The following SLC15A2 variants were observed in gnomAD, a reference collection of about 807,000 sequenced individuals.
The protein encoded by SLC15A2 is solute carrier family 15 member 2.
SLC15A2 carries 77 observed loss-of-function variants against 95.5 expected under a neutral mutation model. That is an observed-to-expected ratio of 0.81 (90% CI 0.67 to 0.97). The LOEUF is 0.97. SLC15A2 is among the 50% of genes least tolerant of loss of function. The pLI is 0.00. For synonymous variants in SLC15A2, 306 were observed against 306.9 expected (o/e 1.00, Z 0.03); for missense variants, 893 against 874.4 (o/e 1.02, Z -0.27).
chr3:121,936,603 T>C (rs1179768133), intron 19 of SLC15A2, among the ~76,000 whole-genome samples: 1 of 152,168 alleles, frequency 6.6e-6, no homozygotes, highest in Admixed American at 6.5e-5. Context: ...CATTTTTTTT[T>C]TTCCATTTGC....
At chr3:121,919,061 G>T (rs1000711561) in intron 7 of SLC15A2, among the ~76,000 whole-genome samples, 8 of 152,056 alleles carry the variant, frequency 5.3e-5, no homozygotes, top group Non-Finnish European at 1.0e-4. Flanking sequence ...CAAAAACTCG[G>T]AGATGCTAGC....
rs906312765 is a variant in SLC15A2, at chr3:121,940,561, C to T, written c.2013+73C>T. 4.1e-6 allele frequency: 5 copies of T among 1,220,838 alleles called. No individual in the cohort carries two copies. In the African/African-American group the frequency reaches 4.4e-5, roughly 11 times the overall value. The allele number at this position is 1,220,838 out of a possible 1,614,324, so 75.6% of individuals were successfully genotyped here. On this transcript the variant is annotated intron_variant, in intron 21 of 21. Transcript: ENST00000489711. Reference sequence around the variant, plus strand: ...CCAGCTTTCTCTTCTCCCTTTCCCCCATCTCTCTGCTTCCCACATTCCCCA... The same window carrying T: ...CCAGCTTTCTCTTCTCCCTTTCCCCTATCTCTCTGCTTCCCACATTCCCCA...
chr3:121,929,132 A>G lies in SLC15A2; in HGVS notation c.1492A>G (p.Ile498Val). 1 of 1,611,572 alleles carries G rather than the reference A, an allele frequency of 6.2e-7. No homozygotes were observed. Among genetic ancestry groups the G allele is most frequent in the South Asian group, 1.1e-5 (1 of 90,610 alleles). Residue 498 changes from isoleucine to valine, a missense_variant, in exon 16 of 22, where the codon ATC becomes GTC. Ile to Val is a conservative substitution (Grantham distance 29, BLOSUM62 3). Transcript: ENST00000489711. ...SLVIREDGNS[I>V]SSMMVKDTES... is the part of the protein sequence containing the mutation. ...TGTCATTCGTGAAGATGGGAACAGT[A>G]TCTCCAGCATGATGGTAATTTGAGG...
intron 3 of SLC15A2, among the ~76,000 whole-genome samples, chr3:121,904,881 A>AT (rs1179445950): frequency 6.6e-6 from 1 of 152,162 alleles, no homozygotes; most frequent in Non-Finnish European, 1.5e-5. Flanking sequence ...GTTAGGCAGG[A>AT]TTCTCTCTTT....
intron 17 of SLC15A2, 27 bp downstream of exon 17, chr3:121,929,375 C>A: frequency 6.2e-7 from 1 of 1,610,244 alleles, no homozygotes; most frequent in Non-Finnish European, 8.5e-7. Flanking sequence ...GATTCCAGGC[C>A]ACTCTGTTTT....
chr3:121,901,588 T>TTG (rs1168646399), intron 3 of SLC15A2, among the ~76,000 whole-genome samples: 3 of 152,076 alleles, frequency 2.0e-5, no homozygotes, highest in African/African-American at 7.2e-5. Flanking sequence ...GTAGTCATGT[T>TTG]TGTGTGTGTG....
intron 19 of SLC15A2, among the ~76,000 whole-genome samples, chr3:121,935,592 T>C (rs2107610269): frequency 6.6e-6 from 1 of 152,324 alleles, no homozygotes; most frequent in South Asian, 2.1e-4. Flanking sequence ...TTTGTATTTC[T>C]GTGGGATTGG....
chr3:121,899,091 C>T (rs1709474726), intron 3 of SLC15A2, among the ~76,000 whole-genome samples: 1 of 152,148 alleles, frequency 6.6e-6, no homozygotes, highest in African/African-American at 2.4e-5. Flanking sequence ...GATTCATATA[C>T]ATGACATACC....
intron 17 of SLC15A2, among the ~76,000 whole-genome samples, chr3:121,930,239 C>T (rs1559852507): frequency 6.6e-6 from 1 of 152,076 alleles, no homozygotes. Context: ...TGTACCAAAA[C>T]CCATCCTGAG....
At position 121,896,506 on chromosome 3, in the gene SLC15A2, C is replaced by T. The variant is rs774865313; in HGVS notation, c.193+13C>T. ...TATGGAATGAAAGGTAATTTTGTGT[C>T]CAAGAGTCCTACCTACTCTCCTCCA... is the stretch of plus-strand genomic sequence containing the variant. On this transcript the variant is annotated intron_variant, in intron 2 of 21. Coordinates refer to ENST00000489711, the MANE Select transcript of SLC15A2 (RefSeq NM_021082.4). The T allele has an allele frequency of 1.0e-5, 16 of 1,604,950 alleles. No individual in the cohort carries two copies. Among genetic ancestry groups the T allele is most frequent in the Non-Finnish European group, 1.4e-5 (16 of 1,171,876 alleles).
intron 19 of SLC15A2, among the ~76,000 whole-genome samples, chr3:121,932,193 C>T (rs140193459): frequency 2.0e-5 from 3 of 152,102 alleles, no homozygotes; most frequent in African/African-American, 2.4e-5. Context: ...CGTGAGTCAC[C>T]GCACCTGGCT....
intron 3 of SLC15A2, among the ~76,000 whole-genome samples, chr3:121,899,695 T>C (rs1366485325): frequency 6.6e-6 from 1 of 152,198 alleles, no homozygotes; most frequent in Non-Finnish European, 1.5e-5. Flanking sequence ...ACCTTCTGTT[T>C]GTCCAAGGAA....
chr3:121,927,587 G>A (rs1047724424), intron 13 of SLC15A2, 171 bp from the exon 14 acceptor site: 7 of 551,148 alleles, frequency 1.3e-5, no homozygotes, highest in Non-Finnish European at 2.3e-5. Context: ...TAAAGCTACA[G>A]AACCATAAGC....
intron 7 of SLC15A2, among the ~76,000 whole-genome samples, chr3:121,916,383 G>T (rs2700420): frequency 1.3e-5 from 2 of 151,920 alleles, no homozygotes; most frequent in Non-Finnish European, 2.9e-5. Context: ...CTGGAAACCT[G>T]TTCTCCACTC....
chr3:121,936,742 T>C (rs1192347252), intron 19 of SLC15A2, among the ~76,000 whole-genome samples: 2 of 150,364 alleles, frequency 1.3e-5, no homozygotes, highest in African/African-American at 2.5e-5. Flanking sequence ...TGTCTTTTAA[T>C]TGGAGCATTT....
At chr3:121,938,591 C>A (rs1289487908) in intron 19 of SLC15A2, among the ~76,000 whole-genome samples, 1 of 152,242 alleles carries the variant, frequency 6.6e-6, no homozygotes, top group East Asian at 1.9e-4. Flanking sequence ...CTCGCACTTC[C>A]CGAGTGAGGC....
intron 7 of SLC15A2, 134 bp from the exon 8 acceptor site, chr3:121,922,086 A>G: frequency 1.6e-6 from 1 of 638,614 alleles, no homozygotes; most frequent in Non-Finnish European, 2.7e-6. Context: ...GCGCTGATAT[A>G]CTGAATGTGC....
In SLC15A2 at chr3:121,931,668, A is replaced by G; in HGVS notation, c.1694A>G (p.Asp565Gly). Residue 565 changes from aspartate to glycine, a missense_variant, in exon 19 of 22, where the codon GAT (aspartate) becomes GGT (glycine). By Grantham distance (94) the Asp-to-Gly change is moderately conservative. Coordinates refer to ENST00000489711, the MANE Select transcript of SLC15A2 (RefSeq NM_021082.4). ...CCTGCAGTGCACTGTAGAACAGAAG[A>G]TAAGAACTTTTCTCTGAATTTGGGT... is the stretch of plus-strand genomic sequence containing the variant. The part of the protein sequence containing the change: ...EYPAVHCRTE[D>G]KNFSLNLGLL... 1 of 1,613,374 alleles carries G rather than the reference A, an allele frequency of 6.2e-7. No homozygotes were observed. Among genetic ancestry groups the G allele is most frequent in the Non-Finnish European group, 8.5e-7 (1 of 1,179,352 alleles).
intron 3 of SLC15A2, among the ~76,000 whole-genome samples, chr3:121,902,969 A>G (rs970794271): frequency 2.0e-5 from 3 of 152,226 alleles, no homozygotes; most frequent in African/African-American, 7.2e-5. Context: ...AGTCCCACCA[A>G]CCAGTGTAAA....
Sources: gnomAD v4.1 joint callset for allele counts (sites outside exome capture counted in the v4.1 genomes callset) on GRCh38, gnomAD v4.1.1 for gene constraint, MANE v1.5 for transcripts, NCBI Gene and HGNC (gene_info 2026-07-23, HGNC 2026-07-21) for gene names.